Variants in SLIT1 observed in about 807,000 individuals in gnomAD.
SLIT1 encodes slit guidance ligand 1.
Under a neutral mutation model 186.1 loss-of-function variants are expected in SLIT1, and 66 were observed. The ratio of observed to expected loss-of-function variants is 0.35; its 90% CI spans 0.29 to 0.44. The LOEUF (loss-of-function observed/expected upper bound fraction) is 0.44, where lower values mean the gene tolerates loss of function less well. SLIT1 is among the 20% of genes least tolerant of loss of function. SLIT1 has a pLI of 1.00. For missense variants in SLIT1, 1,638 were observed against 2,037.4 expected, an observed-to-expected ratio of 0.80 and a Z score of 3.77; for synonymous variants, 761 against 833.8, an observed-to-expected ratio of 0.91 and a Z score of 1.50.
chr10:97,025,796 A>G (rs776077055), intron 25 of SLIT1, among the ~76,000 whole-genome samples: 15 of 152,150 alleles, frequency 9.9e-5, no homozygotes, highest in Non-Finnish European at 2.1e-4. Context: ...CCCAGCTCCT[A>G]TTTGCGTAAC....
At chr10:97,100,203 C>T (rs1202878036) in intron 4 of SLIT1, among the ~76,000 whole-genome samples, 1 of 152,156 alleles carries the variant, frequency 6.6e-6, no homozygotes, top group Non-Finnish European at 1.5e-5. Context: ...CGCCCCTTCC[C>T]AAGTCACTGA....
chr10:97,162,476 G>T (rs1850041893), intron 3 of SLIT1, among the ~76,000 whole-genome samples: 1 of 152,142 alleles, frequency 6.6e-6, no homozygotes, highest in Non-Finnish European at 1.5e-5. Flanking sequence ...AGCCAGGCGT[G>T]GTGGCATGCA....
At chr10:97,158,385 G>C (rs9420708) in intron 3 of SLIT1, among the ~76,000 whole-genome samples, 65,227 of 152,014 alleles carry the variant, frequency 0.43, 16,523 homozygotes, top group Admixed American at 0.59. Context: ...ATAGCAGCTG[G>C]GCGCAGTGGC....
chr10:97,120,171 T>G (rs567744524), intron 4 of SLIT1, among the ~76,000 whole-genome samples: 1 of 151,948 alleles, frequency 6.6e-6, no homozygotes, highest in South Asian at 2.1e-4. Flanking sequence ...GCACAGCTAG[T>G]AAGGTGCAGG....
At chr10:97,135,169 C>T (rs1849690658) in intron 4 of SLIT1, among the ~76,000 whole-genome samples, 1 of 152,240 alleles carries the variant, frequency 6.6e-6, no homozygotes, top group Non-Finnish European at 1.5e-5. Flanking sequence ...ACGGGCTTCA[C>T]GAACGGGACC....
At chr10:97,125,736 G>A (rs540958365) in intron 4 of SLIT1, among the ~76,000 whole-genome samples, 55 of 152,134 alleles carry the variant, frequency 3.6e-4, no homozygotes, top group Admixed American at 1.6e-3. Context: ...CTACTCGGGA[G>A]GCTGAGGAAG....
Position 96,999,453 on chromosome 10 carries a change from G to A in SLIT1, c.*1659C>T, listed in dbSNP as rs1848280101. On this transcript the variant is annotated 3_prime_UTR_variant, in exon 37 of 37. Transcript: ENST00000266058. ...CCTGGGCAGGGGACAGGGACACAAT[G>A]CCACTCTGAGCCTCACCTGAACATA... 6.6e-6 allele frequency: 1 copy of A among 152,342 alleles called. No individual in the cohort carries two copies. Among genetic ancestry groups the A allele is most frequent in the Non-Finnish European group, 1.5e-5 (1 of 68,198 alleles). 9.4% of individuals were successfully genotyped at this position (152,342 alleles called of 1,614,324 possible). A position where few individuals can be genotyped will look rare whatever the true frequency, so the allele number is the denominator to read the frequency against.
rs923251755 is a variant in SLIT1, at chr10:97,021,115, G to A, written c.2746+135C>T. 70 of 697,980 alleles carry A rather than the reference G, an allele frequency of 1.0e-4. 1 individual carries two copies. The highest frequency in any genetic ancestry group is 8.4e-4 in the African/African-American group (45 of 53,564). The allele number at this position is 697,980 out of a possible 1,614,324, so 43.2% of individuals were successfully genotyped here. A position where few individuals can be genotyped will look rare whatever the true frequency, so the allele number is the denominator to read the frequency against. Reference sequence around the variant, plus strand: ...AGGATTGGAAGGCAGCCATCAAGCCGCAGGTGCCTTGTTCCTGTCCCCTGA... The same window carrying A: ...AGGATTGGAAGGCAGCCATCAAGCCACAGGTGCCTTGTTCCTGTCCCCTGA... On this transcript the variant is annotated intron_variant, in intron 26 of 36. Coordinates refer to ENST00000266058, the MANE Select transcript of SLIT1 (RefSeq NM_003061.3). The surrounding 1 kb of genome is among the most constrained non-coding windows in gnomAD (Gnocchi z 4.5).
chr10:97,102,378 A>T (rs1044655509), intron 4 of SLIT1: 1 of 143,508 alleles, frequency 7.0e-6, no homozygotes, highest in African/African-American at 2.6e-5. Context: ...CCAAGATTGC[A>T]CCATTACACT....
At chr10:97,084,902 C>T (rs934653788) in intron 4 of SLIT1, among the ~76,000 whole-genome samples, 5 of 150,424 alleles carry the variant, frequency 3.3e-5, no homozygotes, top group African/African-American at 4.9e-5. Context: ...CCACTGCACC[C>T]GGCCACTGTT....
intron 4 of SLIT1, among the ~76,000 whole-genome samples, chr10:97,149,554 C>T (rs11189013): frequency 0.069 from 10,502 of 152,054 alleles, 587 homozygotes; most frequent in African/African-American, 0.16. Flanking sequence ...TTCTCAAGCA[C>T]GAGCCAGATA....
chr10:97,082,865 T>C (rs1048904872), intron 4 of SLIT1, among the ~76,000 whole-genome samples: 6 of 152,180 alleles, frequency 3.9e-5, no homozygotes, highest in Non-Finnish European at 7.3e-5. Flanking sequence ...TTCTGCTCAA[T>C]TTTGCTGTGA....
intron 25 of SLIT1, among the ~76,000 whole-genome samples, chr10:97,026,505 T>C (rs1848547666): frequency 6.6e-6 from 1 of 152,044 alleles, no homozygotes. Context: ...AATAAATGTG[T>C]TGTCTTTATC....
intron 25 of SLIT1, among the ~76,000 whole-genome samples, chr10:97,029,299 G>A (rs1040030130): frequency 2.0e-5 from 3 of 152,224 alleles, no homozygotes; most frequent in African/African-American, 7.2e-5. Context: ...GAAAAGGTGA[G>A]TCTTAGAGAA....
intron 28 of SLIT1, among the ~76,000 whole-genome samples, chr10:97,014,721 C>T (rs1019676139): frequency 6.6e-6 from 1 of 152,188 alleles, no homozygotes; most frequent in African/African-American, 2.4e-5. Context: ...CAAAAATTAG[C>T]TGGGCATGGT....
At chr10:97,053,647 C>G (rs1485859419) in intron 13 of SLIT1, among the ~76,000 whole-genome samples, 1 of 152,174 alleles carries the variant, frequency 6.6e-6, no homozygotes. Context: ...TCATTAAATG[C>G]ACACCACAGA....
chr10:97,039,980 C>A lies in SLIT1; in HGVS notation c.2297+8G>T, dbSNP rs770374110. ...CACGTGAAGGGGGCAAGGCCTTGAGCTACTCACAGTTCTGTGACATTCTTG... is the reference window on the plus strand; with the variant it reads ...CACGTGAAGGGGGCAAGGCCTTGAGATACTCACAGTTCTGTGACATTCTTG... On this transcript the variant is annotated splice_region_variant and intron_variant, in intron 21 of 36. Coordinates refer to ENST00000266058, the MANE Select transcript of SLIT1 (RefSeq NM_003061.3). 5 of 1,613,588 alleles carry A rather than the reference C, an allele frequency of 3.1e-6. No homozygotes were observed. Among genetic ancestry groups the A allele is most frequent in the African/African-American group, 2.7e-5 (2 of 75,054 alleles).
intron 4 of SLIT1, among the ~76,000 whole-genome samples, chr10:97,089,360 T>C (rs534142137): frequency 3.3e-5 from 5 of 152,270 alleles, no homozygotes; most frequent in Middle Eastern, 3.4e-3. Context: ...GGGGTGGCAG[T>C]GAGTCCCTGT....
intron 20 of SLIT1, 58 bp from the exon 21 acceptor site, chr10:97,040,178 C>T: frequency 1.4e-6 from 2 of 1,472,602 alleles, no homozygotes; most frequent in Non-Finnish European, 9.0e-7. Flanking sequence ...TGTAGGGCCT[C>T]CTACAGTCAG....
Sources: allele counts gnomAD v4.1 joint callset (sites outside exome capture counted in the v4.1 genomes callset), GRCh38; gene constraint gnomAD v4.1.1; non-coding constraint Gnocchi (gnomAD v3.1); transcripts MANE v1.5; gene names NCBI Gene and HGNC (gene_info 2026-07-23, HGNC 2026-07-21).